The following NPAS3 variants were observed in gnomAD, a reference collection of about 807,000 sequenced individuals.
NPAS3 encodes the protein neuronal PAS domain protein 3, also known as neuronal PAS domain-containing protein 3.
Under a neutral mutation model 73.1 loss-of-function variants are expected in NPAS3, and 14 were observed. The observed-to-expected ratio is 0.19, with a 90% CI of 0.13 to 0.30. NPAS3 has a LOEUF of 0.30. Among genes scored for constraint, NPAS3 ranks in the 10% least tolerant of loss-of-function variants. The pLI, the probability that NPAS3 is intolerant of heterozygous loss-of-function variation, is 1.00. For synonymous variants in NPAS3, 620 were observed against 541.5 expected, an observed-to-expected ratio of 1.14 and a Z score of -2.01; for missense variants, 1,096 against 1,250.0, an observed-to-expected ratio of 0.88 and a Z score of 1.86.
At chr14:33,229,788 A>C (rs1344220844) in intron 3 of NPAS3, among the ~76,000 whole-genome samples, 2 of 152,224 alleles carry the variant, frequency 1.3e-5, no homozygotes, top group African/African-American at 4.8e-5. Flanking sequence ...AACGACTCTA[A>C]TAATTTGTAC....
At chr14:33,587,908 G>A (rs1312485096) in intron 5 of NPAS3, among the ~76,000 whole-genome samples, 1 of 152,134 alleles carries the variant, frequency 6.6e-6, no homozygotes, top group Non-Finnish European at 1.5e-5. Context: ...CCAATATGTA[G>A]AAGAACTCTG....
At position 33,172,057 on chromosome 14, in the gene NPAS3, A is replaced by G. The variant is rs149418109; in HGVS notation, c.141-43125A>G. ...ATTAAGTGTGCCATCGTATATAAGC[A>G]TGATTTGTGTACCCCCAAACAAATG... On this transcript the variant is annotated intron_variant, in intron 2 of 11. Transcript: ENST00000356141. 1.3e-3 allele frequency among the ~76,000 whole-genome samples: 205 copies of G among 152,330 alleles called. 4 individuals are homozygous for G. The East Asian group carries it at 0.038, about 28-fold the overall frequency.
Position 33,587,208 on chromosome 14 carries a change from C to T in NPAS3, c.558+26998C>T, listed in dbSNP as rs562645337. 9.2e-5 allele frequency among the ~76,000 whole-genome samples: 14 copies of T among 152,256 alleles called. No individual in the cohort carries two copies. The South Asian group carries it at 1.7e-3, about 18-fold the overall frequency. Reference sequence around the variant, plus strand: ...TTGTCAATTGATCAAGATTGCTATACGTCCATATTTAGTGTTGTCTCCTAT... The same window carrying T: ...TTGTCAATTGATCAAGATTGCTATATGTCCATATTTAGTGTTGTCTCCTAT... On this transcript the variant is annotated intron_variant, in intron 5 of 11. Transcript: ENST00000356141.
chr14:33,552,038 G>A (rs897061368), intron 4 of NPAS3, among the ~76,000 whole-genome samples: 7 of 152,160 alleles, frequency 4.6e-5, no homozygotes, highest in African/African-American at 7.2e-5. Context: ...CAGATGAGTC[G>A]TCTTTAAGAA....
intron 2 of NPAS3, among the ~76,000 whole-genome samples, chr14:33,131,052 G>A (rs1030507744): frequency 2.0e-5 from 3 of 152,028 alleles, no homozygotes; most frequent in African/African-American, 7.2e-5. Context: ...TTATTATCTG[G>A]CCCAAGTACC....
intron 5 of NPAS3, among the ~76,000 whole-genome samples, chr14:33,673,913 GCAGCCTTAACTACAGTA>G (rs2059680797): frequency 6.6e-6 from 1 of 152,206 alleles, no homozygotes; most frequent in South Asian, 2.1e-4. Context: ...TCCACACTGT[GCAGCCTTAACTACAGTA>G]TACATATAAA....
At chr14:33,720,984 T>C (rs1316981995) in intron 6 of NPAS3, among the ~76,000 whole-genome samples, 3 of 152,134 alleles carry the variant, frequency 2.0e-5, no homozygotes, top group Non-Finnish European at 4.4e-5. Flanking sequence ...ATGTTCTGCA[T>C]GTATCTAAAT....
At chr14:33,276,415 A>G (rs2041336288) in intron 3 of NPAS3, among the ~76,000 whole-genome samples, 1 of 152,122 alleles carries the variant, frequency 6.6e-6, no homozygotes, top group Admixed American at 6.5e-5. Flanking sequence ...GAAATGCAAA[A>G]TCAACCATTT....
At chr14:33,067,064 C>A (rs748082579) in intron 2 of NPAS3, among the ~76,000 whole-genome samples, 25 of 152,330 alleles carry the variant, frequency 1.6e-4, no homozygotes, top group Non-Finnish European at 3.2e-4. Flanking sequence ...AGGCACATTG[C>A]TCAGTTCACA....
chr14:33,286,960 G>A (rs1311971702), intron 3 of NPAS3, among the ~76,000 whole-genome samples: 2 of 152,164 alleles, frequency 1.3e-5, no homozygotes, highest in African/African-American at 4.8e-5. Flanking sequence ...GCAGAGAATG[G>A]TGGTTATCCC....
intron 4 of NPAS3, among the ~76,000 whole-genome samples, chr14:33,433,933 G>T (rs1361912301): frequency 2.0e-5 from 3 of 152,204 alleles, no homozygotes; most frequent in African/African-American, 7.2e-5. Context: ...GCTCACGCCT[G>T]TAATCCCAAC....
chr14:33,778,268 C>T (rs750632378), intron 8 of NPAS3, among the ~76,000 whole-genome samples, 198 bp from the exon 9 acceptor site: 21 of 152,146 alleles, frequency 1.4e-4, no homozygotes, highest in Admixed American at 3.9e-4. Context: ...CTTGATCTAA[C>T]GCATTTCCTA....
chr14:33,515,699 T>C (rs949112575), intron 4 of NPAS3, among the ~76,000 whole-genome samples: 10 of 152,104 alleles, frequency 6.6e-5, no homozygotes, highest in African/African-American at 2.2e-4. Context: ...GTCATACTTT[T>C]TGCATTACTC....
intron 3 of NPAS3, among the ~76,000 whole-genome samples, chr14:33,225,344 T>G (rs1220370853): frequency 6.6e-6 from 1 of 152,234 alleles, no homozygotes; most frequent in Non-Finnish European, 1.5e-5. Flanking sequence ...CTTTTTCTTG[T>G]GAAGGTTATG....
chr14:33,686,827 C>T (rs1451669149), intron 6 of NPAS3, among the ~76,000 whole-genome samples: 4 of 152,078 alleles, frequency 2.6e-5, no homozygotes, highest in Admixed American at 1.3e-4. Context: ...TAGGGATGCT[C>T]GCCACCCTTC....
intron 3 of NPAS3, among the ~76,000 whole-genome samples, chr14:33,249,139 A>C (rs1217508406): frequency 6.6e-6 from 1 of 152,150 alleles, no homozygotes; most frequent in East Asian, 1.9e-4. Context: ...AGACTGTTAA[A>C]ATTTTCGAAG....
intron 4 of NPAS3, among the ~76,000 whole-genome samples, chr14:33,509,865 C>G (rs1168025746): frequency 2.6e-5 from 4 of 152,062 alleles, no homozygotes; most frequent in Non-Finnish European, 4.4e-5. Context: ...ATTAGAATCT[C>G]TTTTGTGCCA....
intron 7 of NPAS3, among the ~76,000 whole-genome samples, chr14:33,737,422 G>A (rs2061549494): frequency 6.6e-6 from 1 of 152,124 alleles, no homozygotes; most frequent in African/African-American, 2.4e-5. Flanking sequence ...GATTGGAAAA[G>A]ATTTAGGAGC....
At chr14:33,198,745 C>T (rs959342321) in intron 2 of NPAS3, among the ~76,000 whole-genome samples, 2 of 152,234 alleles carry the variant, frequency 1.3e-5, no homozygotes, top group African/African-American at 4.8e-5. Flanking sequence ...GCCTGCACTC[C>T]TGAGCCCTTG....
Sources: allele counts gnomAD v4.1 joint callset (sites outside exome capture counted in the v4.1 genomes callset), GRCh38; gene constraint gnomAD v4.1.1; transcripts MANE v1.5; gene names NCBI Gene and HGNC (gene_info 2026-07-23, HGNC 2026-07-21).